Variants in SELENOF observed in about 807,000 individuals in gnomAD.
SELENOF encodes selenoprotein F, also known as 15 kDa selenoprotein.
SELENOF carries 16 observed loss-of-function variants against 20.5 expected under a neutral mutation model. The ratio of observed to expected loss-of-function variants is 0.78; its 90% CI spans 0.53 to 1.19. The LOEUF is 1.19. Among genes scored for constraint, SELENOF ranks in the 50% most tolerant of loss-of-function variants. The pLI is 0.00. For synonymous variants in SELENOF, 78 were observed against 74.5 expected, an observed-to-expected ratio of 1.05 and a Z score of -0.24; for missense variants, 215 against 194.2, an observed-to-expected ratio of 1.11 and a Z score of -0.64.
intron 2 of SELENOF, among the ~76,000 whole-genome samples, chr1:86,895,466 T>C (rs1659497361): frequency 6.6e-6 from 1 of 152,226 alleles, no homozygotes; most frequent in South Asian, 2.1e-4. Context: ...TGCATGCATA[T>C]TAACTTATTT....
chr1:86,892,909 G>C (rs1659426078), intron 2 of SELENOF, among the ~76,000 whole-genome samples: 1 of 152,158 alleles, frequency 6.6e-6, no homozygotes, highest in African/African-American at 2.4e-5. Context: ...CCTTCAGAAA[G>C]ACAGCCCAGT....
intron 3 of SELENOF, among the ~76,000 whole-genome samples, chr1:86,878,592 GA>G (rs1335599207): frequency 6.6e-6 from 1 of 152,228 alleles, no homozygotes; most frequent in Non-Finnish European, 1.5e-5. Context: ...TGAGGCAGGA[GA>G]ATCACTTGAA....
chr1:86,869,427 T>C (rs1295165171), intron 3 of SELENOF, among the ~76,000 whole-genome samples: 2 of 152,220 alleles, frequency 1.3e-5, no homozygotes, highest in Non-Finnish European at 2.9e-5. Context: ...GGATTTTTCC[T>C]TTCTTTTTCA....
intron 2 of SELENOF, among the ~76,000 whole-genome samples, chr1:86,898,714 T>TG (rs1570400352): frequency 6.6e-6 from 1 of 151,970 alleles, no homozygotes; most frequent in African/African-American, 2.4e-5. Context: ...CCCAAGTAGC[T>TG]GGGACTACAG....
At chr1:86,905,575 T>C (rs1015571871) in intron 1 of SELENOF, among the ~76,000 whole-genome samples, 1 of 152,226 alleles carries the variant, frequency 6.6e-6, no homozygotes, top group African/African-American at 2.4e-5. Context: ...TATGTAAATC[T>C]GACTCCTCAA....
intron 3 of SELENOF, among the ~76,000 whole-genome samples, chr1:86,876,258 GATCA>G (rs1226570184): frequency 6.6e-6 from 1 of 151,716 alleles, no homozygotes; most frequent in Non-Finnish European, 1.5e-5. Flanking sequence ...ACGTGTGAAA[GATCA>G]ATCATGATTC....
chr1:86,882,482 G>A lies in SELENOF; in HGVS notation c.253-1757C>T, dbSNP rs539149313. ...ATGAGATCCCACTTCACATCACTGG[G>A]ATAGCTATTATTAAAAAAAAAAAAA... On this transcript the variant is annotated intron_variant, in intron 2 of 4. Coordinates refer to ENST00000331835, the MANE Select transcript of SELENOF (RefSeq NM_004261.5). Among the ~76,000 whole-genome samples the A allele has an allele frequency of 1.8e-3, 276 of 149,770 alleles. 1 individual carries two copies. Among genetic ancestry groups the A allele is most frequent in the African/African-American group, 6.4e-3 (261 of 40,674 alleles).
chr1:86,886,390 G>A (rs935028027), intron 2 of SELENOF, among the ~76,000 whole-genome samples: 12 of 151,022 alleles, frequency 7.9e-5, no homozygotes, highest in African/African-American at 2.7e-4. Context: ...ATCTGAAAAG[G>A]TAAACCATAA....
chr1:86,874,160 G>A (rs1232969404), intron 3 of SELENOF, among the ~76,000 whole-genome samples: 4 of 151,352 alleles, frequency 2.6e-5, no homozygotes, highest in South Asian at 2.1e-4. Context: ...TAGTAGAGAC[G>A]GGGTTTCACC....
At chr1:86,872,901 C>T (rs888756146) in intron 3 of SELENOF, among the ~76,000 whole-genome samples, 8 of 151,850 alleles carry the variant, frequency 5.3e-5, no homozygotes, top group African/African-American at 7.2e-5. Context: ...AATTAGCTGG[C>T]GTGGTGGCAG....
chr1:86,913,963 C>T, intron 1 of SELENOF, 65 bp downstream of exon 1: 1 of 1,443,688 alleles, frequency 6.9e-7, no homozygotes, highest in Non-Finnish European at 9.8e-7. Flanking sequence ...CCGAATGTTG[C>T]GTCTTTCTCA....
At chr1:86,887,536 T>C (rs1659252606) in intron 2 of SELENOF, among the ~76,000 whole-genome samples, 2 of 152,098 alleles carry the variant, frequency 1.3e-5, no homozygotes, top group South Asian at 2.1e-4. Context: ...TCCATAAAGA[T>C]ACAATGTTGA....
intron 1 of SELENOF, among the ~76,000 whole-genome samples, chr1:86,907,043 A>G (rs751984243): frequency 6.6e-5 from 10 of 152,238 alleles, no homozygotes; most frequent in Non-Finnish European, 1.5e-4. Flanking sequence ...GCATTTATGG[A>G]GCACCTACTG....
intron 3 of SELENOF, among the ~76,000 whole-genome samples, chr1:86,875,459 T>C (rs1658901912): frequency 6.6e-6 from 1 of 152,174 alleles, no homozygotes; most frequent in Non-Finnish European, 1.5e-5. Flanking sequence ...GTTTGAATCC[T>C]GTAAATTCAT....
chr1:86,902,878 A>G (rs1299445434), intron 2 of SELENOF, among the ~76,000 whole-genome samples: 1 of 152,224 alleles, frequency 6.6e-6, no homozygotes, highest in African/African-American at 2.4e-5. Flanking sequence ...GTTACAATTT[A>G]TTGTAGACAA....
chr1:86,871,760 C>T (rs1355112116), intron 3 of SELENOF, among the ~76,000 whole-genome samples: 1 of 152,000 alleles, frequency 6.6e-6, no homozygotes, highest in African/African-American at 2.4e-5. Flanking sequence ...AGCAAAATAA[C>T]GATGGTGAAT....
At chr1:86,905,547 C>A (rs950930630) in intron 1 of SELENOF, among the ~76,000 whole-genome samples, 19 of 152,270 alleles carry the variant, frequency 1.2e-4, no homozygotes, top group Non-Finnish European at 2.2e-4. Flanking sequence ...TAAAACAGTA[C>A]CGTTCGTGAC....
intron 3 of SELENOF, among the ~76,000 whole-genome samples, chr1:86,876,121 A>G (rs1293028823): frequency 6.6e-6 from 1 of 151,586 alleles, no homozygotes; most frequent in Non-Finnish European, 1.5e-5. Context: ...GGCAGACTAG[A>G]TAACAAGTAC....
intron 2 of SELENOF, among the ~76,000 whole-genome samples, chr1:86,889,912 G>A (rs1659333609): frequency 6.6e-6 from 1 of 152,036 alleles, no homozygotes; most frequent in African/African-American, 2.4e-5. Flanking sequence ...CTTGTATCTT[G>A]CCTCTGGAAA....
Sources: gnomAD v4.1 joint callset for allele counts (sites outside exome capture counted in the v4.1 genomes callset) on GRCh38, gnomAD v4.1.1 for gene constraint, MANE v1.5 for transcripts, NCBI Gene and HGNC (gene_info 2026-07-23, HGNC 2026-07-21) for gene names.